Variants in RAB11FIP3 observed in about 807,000 individuals in gnomAD.
RAB11FIP3 encodes rab11 family-interacting protein 3.
A neutral mutation model predicts 77.8 loss-of-function variants in RAB11FIP3; 17 were observed. That is an observed-to-expected ratio of 0.22 (90% CI 0.15 to 0.33). The LOEUF is 0.33. RAB11FIP3 is among the 10% of genes least tolerant of loss of function. The probability of loss-of-function intolerance (pLI) is 1.00; values close to 1 mark genes in which losing one functional copy is unlikely to be tolerated. For synonymous variants in RAB11FIP3, 437 were observed against 448.2 expected, an observed-to-expected ratio of 0.98 and a Z score of 0.31; for missense variants, 1,005 against 1,011.2, an observed-to-expected ratio of 0.99 and a Z score of 0.08.
intron 2 of RAB11FIP3, among the ~76,000 whole-genome samples, chr16:464,191 AGG>A (rs1596231286): frequency 6.6e-6 from 1 of 152,090 alleles, no homozygotes; most frequent in African/African-American, 2.4e-5. Context: ...TGGCAGGAGA[AGG>A]GGGAGGAAGA....
intron 5 of RAB11FIP3, among the ~76,000 whole-genome samples, chr16:491,887 GC>G (rs2030227933): frequency 1.3e-5 from 2 of 152,266 alleles, no homozygotes; most frequent in Admixed American, 1.3e-4. Flanking sequence ...CCACTTTGGA[GC>G]TTTCCACAGC....
At chr16:477,794 G>A (rs1197723419) in intron 3 of RAB11FIP3, 4 of 535,240 alleles carry the variant, frequency 7.5e-6, no homozygotes, top group Non-Finnish European at 7.2e-6. Context: ...GACACCCAGA[G>A]TAGGTACACT....
rs57161308 is a variant in RAB11FIP3 at position 522,245 on chromosome 16, A to AATATATATAT, written c.*1425_*1434dup. 5.5e-4 allele frequency: 74 copies of AATATATATAT among 134,670 alleles called. No homozygotes were observed. Among genetic ancestry groups the AATATATATAT allele is most frequent in the East Asian group, 1.8e-3 (8 of 4,546 alleles). The allele number at this position is 134,670 out of a possible 1,614,324, so 8.3% of individuals were successfully genotyped here. A position where few individuals can be genotyped will look rare whatever the true frequency, so the allele number is the denominator to read the frequency against. On this transcript the variant is annotated 3_prime_UTR_variant, in exon 14 of 14. Transcript: ENST00000262305. ...AAGAGAAAACTGTGTATACACATGAAATATATATATATATATATATATATA... is the reference window on the plus strand; with the variant it reads ...AAGAGAAAACTGTGTATACACATGAAATATATATATATATATATATATATATATATATATA...
At chr16:448,748 A>G (rs1339203039) in intron 1 of RAB11FIP3, among the ~76,000 whole-genome samples, 1 of 145,788 alleles carries the variant, frequency 6.9e-6, no homozygotes, top group African/African-American at 2.5e-5. Context: ...GAAAAAAAAA[A>G]AAAAAAAAAA....
In RAB11FIP3 at chr16:505,734, G is replaced by A. The variant is rs528586464; in HGVS notation, c.1499+107G>A. On this transcript the variant is annotated intron_variant, in intron 8 of 13. Transcript: ENST00000262305. The surrounding 1 kb of genome is among the most constrained non-coding windows in gnomAD (Gnocchi z 4.0). The stretch of plus-strand genomic sequence containing the variant: ...TCACACAGCAGGGGCTTGGCCACCC[G>A]TCCATCCCCGTTGGAAGCCGGCTGA... The A allele has an allele frequency of 9.4e-4, 914 of 967,694 alleles. 18 individuals carry two copies. In the South Asian group the frequency reaches 0.012, roughly 12 times the overall value. 59.9% of individuals were successfully genotyped at this position (967,694 alleles called of 1,614,324 possible). A position where few individuals can be genotyped will look rare whatever the true frequency, so the allele number is the denominator to read the frequency against.
chr16:505,641 A>T lies in RAB11FIP3; in HGVS notation c.1499+14A>T. On this transcript the variant is annotated intron_variant, in intron 8 of 13. Transcript: ENST00000262305. The surrounding 1 kb of genome is among the most constrained non-coding windows in gnomAD (Gnocchi z 4.0). ...GCTGGTGCACAGGTGAGCCTGGGCC[A>T]GGAGACCCGGGCCTCTGCGTGGCGC... is the stretch of plus-strand genomic sequence containing the variant. 1 of 1,577,396 alleles carries T rather than the reference A, an allele frequency of 6.3e-7. No homozygotes were observed. Among genetic ancestry groups the T allele is most frequent in the Non-Finnish European group, 8.6e-7 (1 of 1,167,826 alleles).
At chr16:510,581 T>G in intron 8 of RAB11FIP3, 79 bp from the exon 9 acceptor site, 5 of 1,469,800 alleles carry the variant, frequency 3.4e-6, no homozygotes, top group Non-Finnish European at 4.5e-6. Context: ...CTGGAGGTCC[T>G]GAGGCAGCTT....
At chr16:493,251 CAAAAAA>C (rs71139788) in intron 5 of RAB11FIP3, among the ~76,000 whole-genome samples, 1 of 102,434 alleles carries the variant, frequency 9.8e-6, no homozygotes, top group African/African-American at 3.6e-5. Flanking sequence ...ACTCTGACTC[CAAAAAA>C]AAAAAAAAAA....
intron 4 of RAB11FIP3, among the ~76,000 whole-genome samples, chr16:483,609 C>T (rs1173385765): frequency 1.3e-5 from 2 of 152,150 alleles, no homozygotes; most frequent in African/African-American, 4.8e-5. Context: ...CAGAATGGCT[C>T]TACAGGACTG....
intron 2 of RAB11FIP3, among the ~76,000 whole-genome samples, chr16:463,959 T>G (rs1024421942): frequency 3.3e-5 from 5 of 152,046 alleles, no homozygotes; most frequent in Admixed American, 2.6e-4. Flanking sequence ...CAGCCCTCTC[T>G]GAGGAGGGGT....
rs1432880309 is a variant in RAB11FIP3, at chr16:492,491, G to C, written c.1265+3491G>C. On this transcript the variant is annotated intron_variant, in intron 5 of 13. Transcript: ENST00000262305. Reference sequence around the variant, plus strand: ...ACCCGAGGCCGCCCAGGGCCCTCCCGGGAGACCCGAGGCCGCCCAGGGCCC... The same window carrying C: ...ACCCGAGGCCGCCCAGGGCCCTCCCCGGAGACCCGAGGCCGCCCAGGGCCC... Among the ~76,000 whole-genome samples the C allele has an allele frequency of 2.4e-3, 235 of 96,018 alleles. 6 individuals are homozygous for C. Among genetic ancestry groups the C allele is most frequent in the East Asian group, 4.1e-3 (11 of 2,716 alleles). The allele number at this position is 96,018 out of a possible 152,430, so 63.0% of individuals were successfully genotyped here.
intron 1 of RAB11FIP3, among the ~76,000 whole-genome samples, chr16:443,811 G>T (rs977358441): frequency 6.6e-6 from 1 of 152,166 alleles, no homozygotes; most frequent in Non-Finnish European, 1.5e-5. Context: ...TGATCCGCCC[G>T]CCTTGGCCTC....
intron 5 of RAB11FIP3, among the ~76,000 whole-genome samples, chr16:495,790 G>A (rs2031072402): frequency 6.6e-6 from 1 of 152,118 alleles, no homozygotes; most frequent in Non-Finnish European, 1.5e-5. Context: ...ACTCTTTGTT[G>A]CCCAGGCTGG....
At chr16:499,943 G>A (rs1198086856) in intron 6 of RAB11FIP3, among the ~76,000 whole-genome samples, 1 of 152,058 alleles carries the variant, frequency 6.6e-6, no homozygotes, top group African/African-American at 2.4e-5. Flanking sequence ...TCTGCCACAA[G>A]AGGCTAAGGA....
At chr16:516,817 C>T (rs2032437356) in intron 9 of RAB11FIP3, among the ~76,000 whole-genome samples, 1 of 152,170 alleles carries the variant, frequency 6.6e-6, no homozygotes, top group Non-Finnish European at 1.5e-5. Context: ...GCAGAGGTTG[C>T]ACTCCAGCTT....
chr16:442,168 C>T (rs2055238505), intron 1 of RAB11FIP3, among the ~76,000 whole-genome samples: 1 of 152,166 alleles, frequency 6.6e-6, no homozygotes, highest in Non-Finnish European at 1.5e-5. Flanking sequence ...CGGGGTCTCA[C>T]TGTGTTGCCC....
intron 1 of RAB11FIP3, among the ~76,000 whole-genome samples, chr16:439,633 G>A (rs374905308): frequency 1.3e-5 from 2 of 152,256 alleles, no homozygotes; most frequent in South Asian, 2.1e-4. Flanking sequence ...GCACACCCGT[G>A]ACACAGCCTC....
At chr16:453,074 T>A (rs1189598520) in intron 1 of RAB11FIP3, among the ~76,000 whole-genome samples, 3 of 116,592 alleles carry the variant, frequency 2.6e-5, no homozygotes, top group Admixed American at 8.9e-5. Flanking sequence ...TTTTTTAATT[T>A]TTTTTTATTT....
At position 510,902 on chromosome 16, in the gene RAB11FIP3, G is replaced by A. The variant is rs1794082470; in HGVS notation, c.1640+102G>A. The A allele has an allele frequency of 3.0e-5, 43 of 1,437,436 alleles. 1 individual carries two copies. The South Asian group carries it at 5.6e-4, about 19-fold the overall frequency. 89.0% of individuals were successfully genotyped at this position (1,437,436 alleles called of 1,614,324 possible). ...CCCAGAAACTGCAGGCCAGGTAGGC[G>A]AGGTTCCCGACAGCCCGCCAACCCC... On this transcript the variant is annotated intron_variant, in intron 9 of 13. Transcript: ENST00000262305.
Sources: gnomAD v4.1 joint callset for allele counts (sites outside exome capture counted in the v4.1 genomes callset) on GRCh38, gnomAD v4.1.1 for gene constraint, Gnocchi (gnomAD v3.1) non-coding constraint, MANE v1.5 for transcripts, NCBI Gene and HGNC (gene_info 2026-07-23, HGNC 2026-07-21) for gene names.